The following RGS7BP variants were observed in gnomAD, a reference collection of about 807,000 sequenced individuals.
RGS7BP encodes regulator of G protein signaling 7 binding protein.
A neutral mutation model predicts 31.3 loss-of-function variants in RGS7BP; 9 were observed. The observed-to-expected ratio is 0.29, with a 90% CI of 0.17 to 0.50. RGS7BP has a LOEUF of 0.50. RGS7BP is among the 20% of genes least tolerant of loss of function. The pLI, the probability that RGS7BP is intolerant of heterozygous loss-of-function variation, is 0.98. For synonymous variants in RGS7BP, 115 were observed against 120.1 expected, an observed-to-expected ratio of 0.96 and a Z score of 0.28; for missense variants, 274 against 322.0, an observed-to-expected ratio of 0.85 and a Z score of 1.14.
chr5:64,528,197 G>T (rs1749279473), intron 2 of RGS7BP, among the ~76,000 whole-genome samples: 1 of 152,140 alleles, frequency 6.6e-6, no homozygotes, highest in African/African-American at 2.4e-5. Flanking sequence ...TATTTGTTCT[G>T]GGTCCTGGCG....
At chr5:64,533,476 A>G (rs1336765212) in intron 2 of RGS7BP, among the ~76,000 whole-genome samples, 2 of 152,202 alleles carry the variant, frequency 1.3e-5, no homozygotes, top group Non-Finnish European at 2.9e-5. Flanking sequence ...GTAAATCTTT[A>G]AAACTCCTAA....
chr5:64,509,463 G>C (rs1452450869), intron 2 of RGS7BP, among the ~76,000 whole-genome samples: 1 of 152,130 alleles, frequency 6.6e-6, no homozygotes, highest in Non-Finnish European at 1.5e-5. Context: ...TCTATTTTGC[G>C]ACACACACAA....
Position 64,507,694 on chromosome 5 carries a change from A to G in RGS7BP, c.166-17A>G. The G allele has an allele frequency of 6.4e-7, 1 of 1,552,550 alleles. No homozygotes were observed. Among genetic ancestry groups the G allele is most frequent in the Non-Finnish European group, 8.7e-7 (1 of 1,149,628 alleles). The stretch of plus-strand genomic sequence containing the variant: ...AGAAATGTTTGGTAAAAAAAAAAAA[A>G]CTCACTTCTTTTCCAGCTTGTCCAA... On this transcript the variant is annotated splice_polypyrimidine_tract_variant and intron_variant, in intron 1 of 5. Transcript: ENST00000334025.
intron 2 of RGS7BP, 40 bp downstream of exon 2, chr5:64,507,917 T>A: frequency 6.6e-7 from 1 of 1,522,310 alleles, no homozygotes; most frequent in Non-Finnish European, 9.0e-7. Context: ...ATATACATGA[T>A]GCATGGATGC....
intron 2 of RGS7BP, among the ~76,000 whole-genome samples, chr5:64,538,546 C>CTTTTTTTTTTTTTTTTTCTTTTTTTT (rs1741443178): frequency 7.5e-5 from 3 of 40,024 alleles, no homozygotes; most frequent in African/African-American, 1.1e-4. Flanking sequence ...TTTTCCTTTT[C>CTTTTTTTTTTTTTTTTTCTTTTTTTT]TTTTTTTTTT....
intron 2 of RGS7BP, among the ~76,000 whole-genome samples, chr5:64,540,008 A>G (rs995039259): frequency 4.6e-5 from 7 of 152,164 alleles, no homozygotes; most frequent in Non-Finnish European, 1.0e-4. Context: ...TCTAGTTTTA[A>G]TGAAGATTCT....
At chr5:64,562,536 C>T (rs187442510) in intron 2 of RGS7BP, among the ~76,000 whole-genome samples, 138 of 152,202 alleles carry the variant, frequency 9.1e-4, no homozygotes, top group African/African-American at 3.1e-3. Flanking sequence ...AGCATTTATG[C>T]TTCATGTGGA....
At chr5:64,512,411 A>G (rs548080328) in intron 2 of RGS7BP, among the ~76,000 whole-genome samples, 44 of 152,288 alleles carry the variant, frequency 2.9e-4, no homozygotes, top group African/African-American at 1.0e-3. Context: ...GGTTAAGTGC[A>G]TAGACTTTGG....
At chr5:64,536,795 G>GT in intron 2 of RGS7BP, among the ~76,000 whole-genome samples, 1 of 152,056 alleles carries the variant, frequency 6.6e-6, no homozygotes, top group Non-Finnish European at 1.5e-5. Context: ...TTCCAAACCT[G>GT]TTTTTGCCAC....
intron 3 of RGS7BP, among the ~76,000 whole-genome samples, chr5:64,583,595 T>C (rs1742661176): frequency 6.6e-6 from 1 of 152,080 alleles, no homozygotes. Context: ...TGAAATAGAA[T>C]GGATGATGAT....
chr5:64,604,699 C>G (rs988751273), intron 5 of RGS7BP, among the ~76,000 whole-genome samples: 3 of 152,186 alleles, frequency 2.0e-5, no homozygotes, highest in African/African-American at 7.2e-5. Context: ...TTGAGAACCA[C>G]TGGCTTAGCT....
intron 2 of RGS7BP, among the ~76,000 whole-genome samples, chr5:64,558,886 A>C (rs1741987110): frequency 6.6e-6 from 1 of 152,200 alleles, no homozygotes; most frequent in African/African-American, 2.4e-5. Context: ...GGCCTCCTGC[A>C]GCGCCCCCAG....
chr5:64,520,618 A>T (rs780282401), intron 2 of RGS7BP, among the ~76,000 whole-genome samples: 8 of 152,168 alleles, frequency 5.3e-5, no homozygotes, highest in Non-Finnish European at 1.2e-4. Flanking sequence ...CAAGTCCTAG[A>T]CATGACCCTA....
Position 64,611,013 on chromosome 5 carries a change from A to G in RGS7BP, c.*1761A>G, listed in dbSNP as rs1177007371. Reference sequence around the variant, plus strand: ...AGGTATACCTGGCTTCAAAAAAAAGAAGTAGCCGTGGAAAGCTATATGAGA... The same window carrying G: ...AGGTATACCTGGCTTCAAAAAAAAGGAGTAGCCGTGGAAAGCTATATGAGA... On this transcript the variant is annotated 3_prime_UTR_variant, in exon 6 of 6. Coordinates refer to ENST00000334025, the MANE Select transcript of RGS7BP (RefSeq NM_001029875.3). 6.6e-6 allele frequency: 1 copy of G among 151,930 alleles called. No individual in the cohort carries two copies. Among genetic ancestry groups the G allele is most frequent in the African/African-American group, 2.4e-5 (1 of 41,412 alleles). The allele number at this position is 151,930 out of a possible 1,614,324, so 9.4% of individuals were successfully genotyped here.
chr5:64,577,659 G>A (rs191414402), intron 3 of RGS7BP, among the ~76,000 whole-genome samples: 1 of 152,094 alleles, frequency 6.6e-6, no homozygotes, highest in Non-Finnish European at 1.5e-5. Context: ...TACTCCTAAT[G>A]CCTGATCAGG....
At position 64,560,965 on chromosome 5, in the gene RGS7BP, A is replaced by G. The variant is rs190678050; in HGVS notation, c.333-14809A>G. ...GCATTCATTTTTGTGTGTGCAGAAA[A>G]GAGCACAAAAAGTTAGAGAGGGTTC... On this transcript the variant is annotated intron_variant, in intron 2 of 5. Transcript: ENST00000334025. 2.6e-3 allele frequency among the ~76,000 whole-genome samples: 398 copies of G among 152,262 alleles called. 7 individuals carry two copies. The highest frequency in any genetic ancestry group is 8.0e-3 in the African/African-American group (334 of 41,572).
At chr5:64,515,575 T>C (rs2111885312) in intron 2 of RGS7BP, among the ~76,000 whole-genome samples, 1 of 152,248 alleles carries the variant, frequency 6.6e-6, no homozygotes, top group South Asian at 2.1e-4. Context: ...TTGTGTCTTA[T>C]CCCAGAAAGA....
chr5:64,584,653 G>A (rs1276928522), intron 3 of RGS7BP, among the ~76,000 whole-genome samples: 2 of 152,226 alleles, frequency 1.3e-5, no homozygotes, highest in Non-Finnish European at 2.9e-5. Context: ...CATGAAGGCT[G>A]CTACTCTGGG....
At chr5:64,537,740 T>C (rs1190441066) in intron 2 of RGS7BP, among the ~76,000 whole-genome samples, 4 of 152,234 alleles carry the variant, frequency 2.6e-5, no homozygotes, top group Admixed American at 2.0e-4. Flanking sequence ...ATTTTAGTGT[T>C]AGACTCTTGA....
Sources: allele counts gnomAD v4.1 joint callset (sites outside exome capture counted in the v4.1 genomes callset), GRCh38; gene constraint gnomAD v4.1.1; transcripts MANE v1.5; gene names NCBI Gene and HGNC (gene_info 2026-07-23, HGNC 2026-07-21).